The following ABCC3 variants were observed in gnomAD, a reference collection of about 807,000 sequenced individuals.
ABCC3 encodes ATP-binding cassette sub-family C member 3.
ABCC3 carries 121 observed loss-of-function variants against 165.3 expected under a neutral mutation model. The observed-to-expected ratio is 0.73, with a 90% CI of 0.63 to 0.85. ABCC3 has a LOEUF of 0.85. Among genes scored for constraint, ABCC3 ranks in the 40% least tolerant of loss-of-function variants. The pLI is 0.00. For synonymous variants in ABCC3, 733 were observed against 810.1 expected, an observed-to-expected ratio of 0.90 and a Z score of 1.62; for missense variants, 1,869 against 1,964.1, an observed-to-expected ratio of 0.95 and a Z score of 0.92.
intron 7 of ABCC3, among the ~76,000 whole-genome samples, chr17:50,659,972 T>C (rs887612899): frequency 7.9e-5 from 12 of 151,852 alleles, no homozygotes; most frequent in African/African-American, 2.9e-4. Flanking sequence ...GGCAATAGAG[T>C]GAGACCTTTT....
chr17:50,680,038 C>T (rs1331125910), intron 26 of ABCC3, 139 bp downstream of exon 26: 4 of 653,174 alleles, frequency 6.1e-6, no homozygotes, highest in South Asian at 1.8e-5. Context: ...CCTTACTGAG[C>T]ATCAACCAAT....
At chr17:50,665,437 TA>T (rs1320566550) in intron 11 of ABCC3, among the ~76,000 whole-genome samples, 192 bp downstream of exon 11, 2 of 152,182 alleles carry the variant, frequency 1.3e-5, no homozygotes, top group African/African-American at 4.8e-5. Flanking sequence ...TCTCATTTTG[TA>T]GCAGAAGACC....
intron 23 of ABCC3, 32 bp from the exon 24 acceptor site, chr17:50,677,711 GC>G (rs1375184987): frequency 2.5e-6 from 4 of 1,602,732 alleles, no homozygotes; most frequent in Non-Finnish European, 3.4e-6. Flanking sequence ...GGGTTCCATG[GC>G]CCTGACCCCA....
At chr17:50,666,389 T>C (rs1392093600) in intron 11 of ABCC3, among the ~76,000 whole-genome samples, 1 of 152,108 alleles carries the variant, frequency 6.6e-6, no homozygotes, top group Admixed American at 6.6e-5. Flanking sequence ...GAGAATCCCT[T>C]GAATCCAGGA....
chr17:50,673,186 G>A (rs771177614), intron 18 of ABCC3, 48 bp downstream of exon 18: 27 of 1,603,592 alleles, frequency 1.7e-5, no homozygotes, highest in East Asian at 1.1e-4. Context: ...TCTGAGGCCC[G>A]AAGAGAGAGC....
chr17:50,678,105 CGGAGT>C lies in ABCC3; in HGVS notation c.3597_3601del (p.Glu1200ArgfsTer52), dbSNP rs1276419858. ...TGATCCCCCATAGGTGGCTGAGCAT[CGGAGT>C]GGAGTTCGTGGGGAACTGCGTGGTG... is the stretch of plus-strand genomic sequence containing the variant. On this transcript the variant is annotated frameshift_variant, in exon 25 of 31. Coordinates refer to ENST00000285238, the MANE Select transcript of ABCC3 (RefSeq NM_003786.4). LOFTEE classifies it high-confidence loss of function. 4 of 1,599,524 alleles carry C rather than the reference CGGAGT, an allele frequency of 2.5e-6. No individual in the cohort carries two copies. In the Admixed American group the frequency reaches 6.8e-5, roughly 27 times the overall value.
chr17:50,655,684 T>G, intron 1 of ABCC3, 148 bp from the exon 2 acceptor site: 1 of 648,584 alleles, frequency 1.5e-6, no homozygotes, highest in Non-Finnish European at 2.6e-6. Flanking sequence ...GGACGACAAC[T>G]GCTCATTTGT....
At chr17:50,681,097 A>G (rs1967919925) in intron 26 of ABCC3, among the ~76,000 whole-genome samples, 1 of 151,232 alleles carries the variant, frequency 6.6e-6, no homozygotes, top group East Asian at 1.9e-4. Context: ...AGCTTGCAGG[A>G]GAAAAATCAC....
Position 50,675,357 on chromosome 17 carries a change from TGCA to T in ABCC3, c.2600-2_2600del. 1 of 1,605,634 alleles carries T rather than the reference TGCA, an allele frequency of 6.2e-7. No individual in the cohort carries two copies. The highest frequency in any genetic ancestry group is 1.7e-4 in the Middle Eastern group (1 of 6,016). Reference sequence around the variant, plus strand: ...CCCTATCTCCTTCCTCCCACCCTACTGCAGCGTTGGAAGGTGCAGAGGATAAGG... The same window carrying T: ...CCCTATCTCCTTCCTCCCACCCTACTGCGTTGGAAGGTGCAGAGGATAAGG... On this transcript the variant is annotated splice_acceptor_variant and splice_polypyrimidine_tract_variant and intron_variant, in intron 19 of 30. Transcript: ENST00000285238. LOFTEE classifies it high-confidence loss of function.
intron 26 of ABCC3, among the ~76,000 whole-genome samples, chr17:50,682,214 T>C (rs1358466532): frequency 6.6e-6 from 1 of 151,978 alleles, no homozygotes; most frequent in Non-Finnish European, 1.5e-5. Context: ...ACATTCTCCA[T>C]CATTCTTCAA....
chr17:50,638,963 C>T (rs2054202919), intron 1 of ABCC3, among the ~76,000 whole-genome samples: 1 of 152,166 alleles, frequency 6.6e-6, no homozygotes. Context: ...TGATTAGGGC[C>T]CTTCAAAGCT....
intron 14 of ABCC3, 81 bp downstream of exon 14, chr17:50,668,598 C>A: frequency 8.7e-7 from 1 of 1,146,198 alleles, no homozygotes; most frequent in Non-Finnish European, 1.3e-6. Flanking sequence ...CCTTTGTTCT[C>A]TCCTGACCCC....
chr17:50,667,645 C>T lies in ABCC3; in HGVS notation c.1523C>T (p.Pro508Leu). ...IKVLKLYAWE[P>L]SFLKQVEGIR... is the part of the protein sequence containing the mutation. ...GTGCTGAAGCTGTACGCCTGGGAGC[C>T]CAGCTTCCTGAAGCAGGTGGAGGGC... Residue 508 changes from proline to leucine, a missense_variant, in exon 12 of 31, where the codon CCC (proline) becomes CTC (leucine). Transcript: ENST00000285238. 2 of 1,614,182 alleles carry T rather than the reference C, an allele frequency of 1.2e-6. No individual in the cohort carries two copies. The highest frequency in any genetic ancestry group is 2.2e-5 in the East Asian group (1 of 44,884).
At position 50,658,489 on chromosome 17, in the gene ABCC3, T is replaced by C; in HGVS notation, c.667T>C (p.Phe223Leu). Reference protein sequence around the residue: ...GFLSRLFFWWFTKMAIYGYRH... With the variant: ...GFLSRLFFWWLTKMAIYGYRH... ...TCTCTCCCGCCTGTTTTTCTGGTGG[T>C]TCACAAAGTGAGTTGGCTCTTCCAC... The change falls in exon 6 of 31, where the codon TTC becomes CTC. Residue 223 changes from phenylalanine (F) to leucine (L), a missense_variant. By Grantham distance (22) the Phe-to-Leu change is conservative. Transcript: ENST00000285238. 6.2e-7 allele frequency: 1 copy of C among 1,614,004 alleles called. No homozygotes were observed. Among genetic ancestry groups the C allele is most frequent in the Non-Finnish European group, 8.5e-7 (1 of 1,179,852 alleles).
At chr17:50,658,401 C>T in intron 5 of ABCC3, 34 bp from the exon 6 acceptor site, 3 of 1,607,066 alleles carry the variant, frequency 1.9e-6, no homozygotes, top group Non-Finnish European at 1.7e-6. Context: ...GGTGGGCACT[C>T]CTGATTCCCC....
chr17:50,668,077 C>T, intron 13 of ABCC3, 68 bp downstream of exon 13: 2 of 1,377,556 alleles, frequency 1.5e-6, no homozygotes, highest in South Asian at 2.4e-5. Flanking sequence ...GGAAGGGTCA[C>T]TTAGGGCAAG....
Position 50,673,607 on chromosome 17 carries a change from T to A in ABCC3, c.2548T>A (p.Cys850Ser). 1.2e-6 allele frequency: 2 copies of A among 1,614,196 alleles called. No individual in the cohort carries two copies. Among genetic ancestry groups the A allele is most frequent in the Non-Finnish European group, 1.7e-6 (2 of 1,180,024 alleles). The change falls in exon 19 of 31, where the codon TGC (cysteine) becomes AGC (serine). Residue 850 changes from cysteine to serine, a missense_variant. Transcript: ENST00000285238. ...QRNGSFANFLCNYAPDEDQGH... is the reference protein window; with the variant it reads ...QRNGSFANFLSNYAPDEDQGH... ...CAACGGCTCCTTTGCCAACTTTCTC[T>A]GCAACTATGCCCCCGATGAGGACCA...
intron 1 of ABCC3, among the ~76,000 whole-genome samples, chr17:50,653,026 C>T (rs898843973): frequency 6.6e-6 from 1 of 152,128 alleles, no homozygotes; most frequent in African/African-American, 2.4e-5. Context: ...TACTTCCGAT[C>T]CCACTTCTGA....
intron 11 of ABCC3, among the ~76,000 whole-genome samples, chr17:50,666,167 C>T (rs2146618258): frequency 6.6e-6 from 1 of 152,252 alleles, no homozygotes; most frequent in Admixed American, 6.5e-5. Flanking sequence ...TCCCTTACCT[C>T]TCGGCATTGA....
Sources: gnomAD v4.1 joint callset for allele counts (sites outside exome capture counted in the v4.1 genomes callset) on GRCh38, gnomAD v4.1.1 for gene constraint, MANE v1.5 for transcripts, NCBI Gene and HGNC (gene_info 2026-07-23, HGNC 2026-07-21) for gene names.